The following ATF7 variants were observed in gnomAD, a reference collection of about 807,000 sequenced individuals.
The protein encoded by ATF7 is activating transcription factor 7, also known as cyclic AMP-dependent transcription factor ATF-7.
In ATF7, 10 loss-of-function variants were observed where a neutral mutation model predicts 50.4. The ratio of observed to expected loss-of-function variants is 0.20; its 90% CI spans 0.12 to 0.34. The LOEUF is 0.34. ATF7 is among the 10% of genes least tolerant of loss of function. ATF7 has a pLI of 1.00. For missense variants in ATF7, 465 were observed against 613.9 expected, an observed-to-expected ratio of 0.76 and a Z score of 2.56; for synonymous variants, 201 against 226.4, an observed-to-expected ratio of 0.89 and a Z score of 1.01.
chr12:53,547,748 T>TATGC (rs971789921), intron 3 of ATF7, among the ~76,000 whole-genome samples: 4 of 15,360 alleles, frequency 2.6e-4, no homozygotes, highest in Non-Finnish European at 6.0e-4. Context: ...CGGCTAATTT[T>TATGC]ATGTATGTAT....
intron 10 of ATF7, among the ~76,000 whole-genome samples, chr12:53,523,926 C>A (rs549605220): frequency 3.9e-4 from 59 of 152,234 alleles, no homozygotes; most frequent in African/African-American, 1.4e-3. Context: ...TCCAGCCCTA[C>A]ACAAGAACTA....
chr12:53,607,962 G>A (rs1405445139), intron 1 of ATF7, among the ~76,000 whole-genome samples: 5 of 152,108 alleles, frequency 3.3e-5, no homozygotes, highest in Non-Finnish European at 5.9e-5. Flanking sequence ...GCTCACTCCT[G>A]TAATCCCAGC....
At chr12:53,526,889 T>C (rs1212206806) in intron 9 of ATF7, among the ~76,000 whole-genome samples, 1 of 147,526 alleles carries the variant, frequency 6.8e-6, no homozygotes, top group Non-Finnish European at 1.5e-5. Context: ...CCGGGCGCCG[T>C]GGCTCACGCC....
chr12:53,618,401 T>A (rs1944231104), intron 1 of ATF7, among the ~76,000 whole-genome samples: 1 of 152,220 alleles, frequency 6.6e-6, no homozygotes. Context: ...AGTAGCATGC[T>A]AATTTAATAT....
Position 53,522,783 on chromosome 12 carries a change from C to T in ATF7, c.1234+493G>A, listed in dbSNP as rs529337482. 4.7e-4 allele frequency: 72 copies of T among 151,738 alleles called. No individual in the cohort carries two copies. The South Asian group carries it at 0.014, about 29-fold the overall frequency. 9.4% of individuals were successfully genotyped at this position (151,738 alleles called of 1,614,324 possible). A position where few individuals can be genotyped will look rare whatever the true frequency, so the allele number is the denominator to read the frequency against. ...TCGGGAGGCTGAGGCAGGAGAATGG[C>T]GTGAACCTGGGAGGCAGAGCTTGAA... is the stretch of plus-strand genomic sequence containing the variant. On this transcript the variant is annotated intron_variant, in intron 11 of 11. Coordinates refer to ENST00000420353, the MANE Select transcript of ATF7 (RefSeq NM_006856.3).
Position 53,570,092 on chromosome 12 carries a change from A to G in ATF7, c.49-17455T>C, listed in dbSNP as rs562925339. ...CCTGACCTCAGGCTTCCTCAAGGTT[A>G]GAGATACCAGGCAGATACATAAAGA... On this transcript the variant is annotated intron_variant, in intron 2 of 11. Coordinates refer to ENST00000420353, the MANE Select transcript of ATF7 (RefSeq NM_006856.3). 6.6e-5 allele frequency among the ~76,000 whole-genome samples: 10 copies of G among 152,332 alleles called. No individual in the cohort carries two copies. In the South Asian group the frequency reaches 2.1e-3, roughly 32 times the overall value.
At chr12:53,559,549 C>T (rs1017977065) in intron 2 of ATF7, among the ~76,000 whole-genome samples, 2 of 151,846 alleles carry the variant, frequency 1.3e-5, no homozygotes, top group African/African-American at 4.8e-5. Context: ...TGTGGAGGCG[C>T]GTGCCTGTAG....
intron 2 of ATF7, among the ~76,000 whole-genome samples, chr12:53,585,256 A>ATGAACCACTGTGCC (rs1180474510): frequency 6.6e-6 from 1 of 152,168 alleles, no homozygotes; most frequent in African/African-American, 2.4e-5. Flanking sequence ...GATTACAGGC[A>ATGAACCACTGTGCC]TGAACCACTG....
chr12:53,529,837 C>A (rs1304893046), intron 9 of ATF7, among the ~76,000 whole-genome samples: 1 of 150,030 alleles, frequency 6.7e-6, no homozygotes, highest in Non-Finnish European at 1.5e-5. Context: ...ACCTCCCAGG[C>A]TCAAGCAATT....
intron 7 of ATF7, among the ~76,000 whole-genome samples, chr12:53,532,932 AAGATCAATTCCT>A: frequency 6.6e-6 from 1 of 152,342 alleles, no homozygotes; most frequent in African/African-American, 2.4e-5. Context: ...GTGGGCTGGC[AAGATCAATTCCT>A]AGACCAGGAG....
At chr12:53,596,731 A>G (rs1011422118) in intron 2 of ATF7, among the ~76,000 whole-genome samples, 3 of 152,232 alleles carry the variant, frequency 2.0e-5, no homozygotes, top group Non-Finnish European at 2.9e-5. Context: ...ACAATTTTAT[A>G]ATCCATATTC....
chr12:53,518,630 G>A (rs1937879680), intron 11 of ATF7, among the ~76,000 whole-genome samples: 1 of 152,198 alleles, frequency 6.6e-6, no homozygotes, highest in Non-Finnish European at 1.5e-5. Flanking sequence ...GCAAGTCAAG[G>A]AGTTTTATTA....
chr12:53,617,163 C>T (rs996844653), intron 1 of ATF7, among the ~76,000 whole-genome samples: 2 of 152,080 alleles, frequency 1.3e-5, no homozygotes, highest in Non-Finnish European at 2.9e-5. Flanking sequence ...GCTGGCGCTA[C>T]AAACGCATGT....
intron 2 of ATF7, among the ~76,000 whole-genome samples, chr12:53,599,354 G>T (rs1943290498): frequency 6.6e-6 from 1 of 151,886 alleles, no homozygotes; most frequent in African/African-American, 2.4e-5. Context: ...ATCATTTTTA[G>T]AAATGTATTT....
chr12:53,526,653 C>G (rs1317102272), intron 9 of ATF7, among the ~76,000 whole-genome samples: 1 of 151,776 alleles, frequency 6.6e-6, no homozygotes, highest in Non-Finnish European at 1.5e-5. Context: ...GAGTTCGAGA[C>G]CAGCCTGGCC....
intron 7 of ATF7, among the ~76,000 whole-genome samples, 166 bp from the exon 8 acceptor site, chr12:53,532,789 A>G (rs1938986191): frequency 6.6e-6 from 1 of 152,194 alleles, no homozygotes; most frequent in Non-Finnish European, 1.5e-5. Context: ...ACCTTTCTCC[A>G]TGGAGCACCA....
At chr12:53,553,327 G>C (rs1940506053) in intron 2 of ATF7, among the ~76,000 whole-genome samples, 1 of 152,188 alleles carries the variant, frequency 6.6e-6, no homozygotes, top group Admixed American at 6.5e-5. Flanking sequence ...AAAAAGGCCA[G>C]TACAATGCTG....
intron 1 of ATF7, among the ~76,000 whole-genome samples, chr12:53,603,641 T>C (rs982143873): frequency 6.6e-6 from 1 of 152,068 alleles, no homozygotes; most frequent in Non-Finnish European, 1.5e-5. Flanking sequence ...GTTTCCATTA[T>C]TCTTGTTTAA....
chr12:53,555,082 G>A (rs1259413250), intron 2 of ATF7, among the ~76,000 whole-genome samples: 6 of 152,198 alleles, frequency 3.9e-5, no homozygotes, highest in Non-Finnish European at 7.4e-5. Context: ...AGCACTGGGA[G>A]GCTGAGGCAG....
Sources: allele counts gnomAD v4.1 joint callset (sites outside exome capture counted in the v4.1 genomes callset), GRCh38; gene constraint gnomAD v4.1.1; transcripts MANE v1.5; gene names NCBI Gene and HGNC (gene_info 2026-07-23, HGNC 2026-07-21).